The following GALNT2 variants were observed in gnomAD, a reference collection of about 807,000 sequenced individuals.
GALNT2 encodes polypeptide N-acetylgalactosaminyltransferase 2, also known as UDP-GalNAc:polypeptide N-acetylgalactosaminyltransferase 2.
Under a neutral mutation model 81.4 loss-of-function variants are expected in GALNT2, and 31 were observed. The observed-to-expected ratio is 0.38, with a 90% CI of 0.29 to 0.51. The LOEUF is 0.51. GALNT2 is among the 20% of genes least tolerant of loss of function. GALNT2 has a pLI of 0.87. For missense variants in GALNT2, 629 were observed against 765.7 expected, an observed-to-expected ratio of 0.82 and a Z score of 2.11; for synonymous variants, 303 against 287.4, an observed-to-expected ratio of 1.05 and a Z score of -0.55.
At position 230,222,031 on chromosome 1, in the gene GALNT2, C is replaced by CTTTTTTTTTTTTTTTTTTTTTTTTTTTTT. The variant is rs564681409; in HGVS notation, c.375-13970_375-13969insTTTTTTTTTTTTTTTTTTTTTTTTTTTTT. On this transcript the variant is annotated intron_variant, in intron 3 of 15. Coordinates refer to ENST00000366672, the MANE Select transcript of GALNT2 (RefSeq NM_004481.5). Reference sequence around the variant, plus strand: ...TTTATATACATTTCACTGCTTTTCTCTTTTTTTTTTTTTGAGACAGAGTCT... The same window carrying CTTTTTTTTTTTTTTTTTTTTTTTTTTTTT: ...TTTATATACATTTCACTGCTTTTCTCTTTTTTTTTTTTTTTTTTTTTTTTTTTTTTTTTTTTTTTTTTGAGACAGAGTCT... Among the ~76,000 whole-genome samples, 108 of 96,112 alleles carry CTTTTTTTTTTTTTTTTTTTTTTTTTTTTT rather than the reference C, an allele frequency of 1.1e-3. 14 individuals are homozygous for CTTTTTTTTTTTTTTTTTTTTTTTTTTTTT. The highest frequency in any genetic ancestry group is 2.4e-3 in the East Asian group (5 of 2,056). The allele number at this position is 96,112 out of a possible 152,430, so 63.1% of individuals were successfully genotyped here.
chr1:230,138,747 C>T (rs1053473586), intron 1 of GALNT2, among the ~76,000 whole-genome samples: 2 of 152,114 alleles, frequency 1.3e-5, no homozygotes, highest in Non-Finnish European at 2.9e-5. Context: ...TTGACGTTGC[C>T]ATGGCATTTG....
chr1:230,150,124 A>G (rs1662047193), intron 1 of GALNT2, among the ~76,000 whole-genome samples: 1 of 152,192 alleles, frequency 6.6e-6, no homozygotes, highest in Non-Finnish European at 1.5e-5. Flanking sequence ...GGTGCTCTCC[A>G]TTCCTGGATG....
At chr1:230,249,736 C>T (rs1392514213) in intron 9 of GALNT2, among the ~76,000 whole-genome samples, 1 of 152,180 alleles carries the variant, frequency 6.6e-6, no homozygotes, top group Non-Finnish European at 1.5e-5. Flanking sequence ...AGTCAGGATG[C>T]CTTCTCTAGC....
In GALNT2 at chr1:230,280,827, G is replaced by C. The variant is rs1195145656; in HGVS notation, c.*1369G>C. On this transcript the variant is annotated 3_prime_UTR_variant, in exon 16 of 16. Coordinates refer to ENST00000366672, the MANE Select transcript of GALNT2 (RefSeq NM_004481.5). ...TTTACACTGAGGATTCAGGGCGGGA[G>C]ACAGGAGCCTTGGGGTCCTGTTAAA... 1 of 152,268 alleles carries C rather than the reference G, an allele frequency of 6.6e-6. No individual in the cohort carries two copies. 9.4% of individuals were successfully genotyped at this position (152,268 alleles called of 1,614,324 possible). A position where few individuals can be genotyped will look rare whatever the true frequency, so the allele number is the denominator to read the frequency against.
chr1:230,105,577 G>A (rs964997197), intron 1 of GALNT2, among the ~76,000 whole-genome samples: 1 of 152,194 alleles, frequency 6.6e-6, no homozygotes, highest in African/African-American at 2.4e-5. Flanking sequence ...GTAAGCTCCT[G>A]TGGGAACATA....
At chr1:230,146,914 G>A (rs563159877) in intron 1 of GALNT2, among the ~76,000 whole-genome samples, 23 of 152,296 alleles carry the variant, frequency 1.5e-4, no homozygotes, top group African/African-American at 5.3e-4. Flanking sequence ...GCTGGCTACC[G>A]CCTGCACTGT....
At chr1:230,188,490 G>A (rs1663415335) in intron 2 of GALNT2, among the ~76,000 whole-genome samples, 1 of 152,110 alleles carries the variant, frequency 6.6e-6, no homozygotes. Context: ...GGAGTATTTG[G>A]GTTTTGTTTT....
At chr1:230,247,503 C>G (rs184482080) in intron 8 of GALNT2, among the ~76,000 whole-genome samples, 1 of 152,190 alleles carries the variant, frequency 6.6e-6, no homozygotes, top group Non-Finnish European at 1.5e-5. Context: ...GGAAACATAA[C>G]ATTCAGGAAC....
At chr1:230,226,318 A>G (rs1412416899) in intron 3 of GALNT2, among the ~76,000 whole-genome samples, 1 of 152,234 alleles carries the variant, frequency 6.6e-6, no homozygotes, top group Non-Finnish European at 1.5e-5. Flanking sequence ...CCTCTATTGC[A>G]TCACCAGCTG....
intron 14 of GALNT2, among the ~76,000 whole-genome samples, chr1:230,265,660 C>T (rs1346888500): frequency 6.6e-6 from 1 of 152,228 alleles, no homozygotes; most frequent in Non-Finnish European, 1.5e-5. Flanking sequence ...TTCCTGCCAG[C>T]TCTGTCCTCT....
At chr1:230,262,546 A>G (rs1665909316) in intron 11 of GALNT2, 27 bp from the exon 12 acceptor site, 1 of 1,581,382 alleles carries the variant, frequency 6.3e-7, no homozygotes, top group African/African-American at 1.3e-5. Context: ...AAAGGAAATC[A>G]CACCTCAAGA....
chr1:230,090,390 T>C (rs2102765125), intron 1 of GALNT2, among the ~76,000 whole-genome samples: 2 of 152,276 alleles, frequency 1.3e-5, no homozygotes, highest in South Asian at 4.1e-4. Flanking sequence ...ATATGAAGCA[T>C]TGCACACAGC....
At chr1:230,204,995 A>C (rs1405659516) in intron 3 of GALNT2, among the ~76,000 whole-genome samples, 1 of 152,156 alleles carries the variant, frequency 6.6e-6, no homozygotes, top group African/African-American at 2.4e-5. Context: ...ACAGGTCCCA[A>C]GAGCGGTGAA....
At chr1:230,141,788 C>CTTTTTTTTTTT (rs60824749) in intron 1 of GALNT2, among the ~76,000 whole-genome samples, 5 of 101,334 alleles carry the variant, frequency 4.9e-5, no homozygotes, top group African/African-American at 7.2e-5. Flanking sequence ...TTTTGTTTTC[C>CTTTTTTTTTTT]TTTTTTTTTT....
At chr1:230,161,126 C>T (rs1231432588) in intron 1 of GALNT2, among the ~76,000 whole-genome samples, 1 of 152,232 alleles carries the variant, frequency 6.6e-6, no homozygotes, top group African/African-American at 2.4e-5. Flanking sequence ...TTATTTCTTA[C>T]AGTCCTGTGA....
chr1:230,263,320 C>CGAG (rs1665933905), intron 13 of GALNT2: 1 of 335,428 alleles, frequency 3.0e-6, no homozygotes, highest in African/African-American at 2.1e-5. Flanking sequence ...GGACTGGTGT[C>CGAG]TGACAGGCTC....
chr1:230,142,807 G>A (rs1193415355), intron 1 of GALNT2, among the ~76,000 whole-genome samples: 1 of 152,134 alleles, frequency 6.6e-6, no homozygotes, highest in East Asian at 1.9e-4. Flanking sequence ...GGGCCTGCGT[G>A]GGAAGGCTGG....
intron 1 of GALNT2, among the ~76,000 whole-genome samples, chr1:230,097,531 A>G (rs560513030): frequency 3.3e-5 from 5 of 152,350 alleles, no homozygotes; most frequent in African/African-American, 7.2e-5. Context: ...TTCACTTAAC[A>G]TAATGTCCTC....
At chr1:230,162,616 CAT>C (rs1662469516) in intron 1 of GALNT2, among the ~76,000 whole-genome samples, 1 of 152,166 alleles carries the variant, frequency 6.6e-6, no homozygotes, top group Admixed American at 6.6e-5. Context: ...CAAAGCCAGC[CAT>C]CAACCCTGAA....
Sources: allele counts gnomAD v4.1 joint callset (sites outside exome capture counted in the v4.1 genomes callset), GRCh38; gene constraint gnomAD v4.1.1; transcripts MANE v1.5; gene names NCBI Gene and HGNC (gene_info 2026-07-23, HGNC 2026-07-21).